Variants in DPP6 observed in about 807,000 individuals in gnomAD.
DPP6 encodes the protein A-type potassium channel modulatory protein DPP6.
Under a neutral mutation model 122.6 loss-of-function variants are expected in DPP6, and 69 were observed. The observed-to-expected ratio is 0.56, with a 90% CI of 0.46 to 0.69. DPP6 has a LOEUF of 0.69. DPP6 is among the 30% of genes least tolerant of loss of function. The pLI is 0.00. For synonymous variants in DPP6, 418 were observed against 433.1 expected (o/e 0.97, Z 0.43); for missense variants, 928 against 1,116.9 (o/e 0.83, Z 2.41).
At chr7:154,891,806 G>A (rs1301538482) in intron 25 of DPP6, among the ~76,000 whole-genome samples, 5 of 152,048 alleles carry the variant, frequency 3.3e-5, no homozygotes, top group Non-Finnish European at 5.9e-5. Flanking sequence ...GGCTGGTCTC[G>A]AACTCCTGAC....
At chr7:153,765,377 C>T in the DPP6 span, among the ~76,000 whole-genome samples, 3 of 151,794 alleles carry the variant, frequency 2.0e-5, no homozygotes, top group African/African-American at 7.3e-5. Flanking sequence ...CCTGTCTCTA[C>T]TAAAAATACA....
intron 1 of DPP6, among the ~76,000 whole-genome samples, chr7:153,951,382 G>A (rs1035186684): frequency 6.6e-6 from 1 of 152,128 alleles, no homozygotes; most frequent in African/African-American, 2.4e-5. Context: ...GGTTAGAAGC[G>A]CTCGAGGTCA....
At chr7:154,482,717 T>C (rs1020605011) in intron 3 of DPP6, among the ~76,000 whole-genome samples, 2 of 152,222 alleles carry the variant, frequency 1.3e-5, no homozygotes, top group Non-Finnish European at 2.9e-5. Flanking sequence ...TAATGTGCCT[T>C]AATTTGCGCC....
intron 1 of DPP6, among the ~76,000 whole-genome samples, chr7:153,972,413 A>G (rs1481939723): frequency 1.3e-5 from 2 of 152,058 alleles, no homozygotes; most frequent in Non-Finnish European, 2.9e-5. Flanking sequence ...ACGTGAACCT[A>G]TTTGTGTGAA....
chr7:153,937,252 G>C (rs1801490738), intron 1 of DPP6, among the ~76,000 whole-genome samples: 1 of 152,116 alleles, frequency 6.6e-6, no homozygotes, highest in East Asian at 1.9e-4. Flanking sequence ...TGAGGAGGTG[G>C]GGCTGTAAGA....
intron 1 of DPP6, among the ~76,000 whole-genome samples, chr7:153,986,783 A>C (rs1402830668): frequency 4.6e-5 from 7 of 152,122 alleles, no homozygotes; most frequent in Non-Finnish European, 1.0e-4. Flanking sequence ...ACTTCTTATG[A>C]GGAAAACCAG....
chr7:153,965,030 T>G (rs1795619882), intron 1 of DPP6, among the ~76,000 whole-genome samples: 1 of 143,672 alleles, frequency 7.0e-6, no homozygotes, highest in Admixed American at 7.2e-5. Context: ...CTTCCTTCCT[T>G]CCTTTCTTTC....
chr7:154,430,079 C>A (rs1003965149), intron 1 of DPP6, among the ~76,000 whole-genome samples: 1 of 152,128 alleles, frequency 6.6e-6, no homozygotes, highest in Non-Finnish European at 1.5e-5. Flanking sequence ...CTTCTAGGGG[C>A]CGCTGTCAGA....
chr7:153,858,033 C>T, the DPP6 span, among the ~76,000 whole-genome samples: 18 of 152,190 alleles, frequency 1.2e-4, no homozygotes, highest in African/African-American at 3.4e-4. Flanking sequence ...GTACTTGTTA[C>T]ATTTCATTCT....
intron 3 of DPP6, among the ~76,000 whole-genome samples, chr7:154,498,403 A>T (rs890810603): frequency 6.6e-6 from 1 of 152,052 alleles, no homozygotes; most frequent in Non-Finnish European, 1.5e-5. Context: ...CAGTGGCATG[A>T]TCTCGGGTTA....
intron 5 of DPP6, among the ~76,000 whole-genome samples, chr7:154,594,045 G>A (rs1414834169): frequency 6.6e-6 from 1 of 152,178 alleles, no homozygotes; most frequent in South Asian, 2.1e-4. Flanking sequence ...CAGGCACCTG[G>A]GGAGTGGTTG....
intron 1 of DPP6, among the ~76,000 whole-genome samples, chr7:154,405,060 C>A (rs1446630092): frequency 6.6e-6 from 1 of 152,162 alleles, no homozygotes; most frequent in Non-Finnish European, 1.5e-5. Context: ...TATGCAAATG[C>A]ATATATTTAT....
chr7:154,311,082 C>T (rs1000554558), intron 1 of DPP6, among the ~76,000 whole-genome samples: 2 of 152,080 alleles, frequency 1.3e-5, no homozygotes, highest in African/African-American at 4.8e-5. Context: ...AAAGATCGGA[C>T]AGGTAGGGGG....
chr7:154,627,256 C>T (rs1257394818), intron 5 of DPP6, among the ~76,000 whole-genome samples: 9 of 138,136 alleles, frequency 6.5e-5, no homozygotes, highest in African/African-American at 1.1e-4. Context: ...AGTGCAGTGG[C>T]GCGATCTCGG....
intron 1 of DPP6, among the ~76,000 whole-genome samples, chr7:153,908,025 G>C (rs977902566): frequency 2.1e-5 from 3 of 142,586 alleles, no homozygotes; most frequent in African/African-American, 7.8e-5. Context: ...TTTAGAGGCT[G>C]GAAGTTTTTT....
chr7:154,368,157 A>G (rs2151113099), intron 1 of DPP6, among the ~76,000 whole-genome samples: 1 of 152,314 alleles, frequency 6.6e-6, no homozygotes, highest in East Asian at 1.9e-4. Flanking sequence ...CTATTGGATA[A>G]TGGCGTTGTT....
At position 154,130,031 on chromosome 7, in the gene DPP6, G is replaced by C. The variant is rs543077813; in HGVS notation, c.243+76968G>C. ...GCGGAGGTTGCAGTGGGAGGTTGCA[G>C]TGAGCCGAGATCGCGCCATTGCACT... On this transcript the variant is annotated intron_variant, in intron 1 of 25. Coordinates refer to ENST00000377770, the MANE Select transcript of DPP6 (RefSeq NM_130797.4). Among the ~76,000 whole-genome samples, 8 of 150,640 alleles carry C rather than the reference G, an allele frequency of 5.3e-5. No homozygotes were observed. The South Asian group carries it at 1.7e-3, about 31-fold the overall frequency.
intron 1 of DPP6, among the ~76,000 whole-genome samples, chr7:154,301,487 C>A (rs955469442): frequency 6.6e-6 from 1 of 152,146 alleles, no homozygotes; most frequent in Non-Finnish European, 1.5e-5. Context: ...CTTGTATTTT[C>A]TCTTGGTCTG....
At chr7:153,906,380 C>CT (rs1388726718) in intron 1 of DPP6, among the ~76,000 whole-genome samples, 2 of 152,152 alleles carry the variant, frequency 1.3e-5, no homozygotes, top group South Asian at 2.1e-4. Flanking sequence ...TCTACAGTGT[C>CT]TATTATTGCA....
Sources: allele counts gnomAD v4.1 joint callset (sites outside exome capture counted in the v4.1 genomes callset), GRCh38; gene constraint gnomAD v4.1.1; transcripts MANE v1.5; gene names NCBI Gene and HGNC (gene_info 2026-07-23, HGNC 2026-07-21).